The following ADGRG5 variants were observed in gnomAD, a reference collection of about 807,000 sequenced individuals.
The protein encoded by ADGRG5 is adhesion G protein-coupled receptor G5.
In ADGRG5, 37 loss-of-function variants were observed where a neutral mutation model predicts 53.2. The observed-to-expected ratio is 0.70, with a 90% CI of 0.53 to 0.91. The LOEUF (loss-of-function observed/expected upper bound fraction) is 0.91. ADGRG5 is among the 40% of genes least tolerant of loss of function. The pLI, the probability that ADGRG5 is intolerant of heterozygous loss-of-function variation, is 0.00. For synonymous variants in ADGRG5, 277 were observed against 290.4 expected, an observed-to-expected ratio of 0.95 and a Z score of 0.47; for missense variants, 614 against 675.8, an observed-to-expected ratio of 0.91 and a Z score of 1.01.
At chr16:57,540,394 ATCT>A (rs1567610157), upstream of ADGRG5, among the ~76,000 whole-genome samples, 2 of 152,158 alleles carry the variant, frequency 1.3e-5, no homozygotes, top group East Asian at 3.9e-4. Context: ...CCCACCTACA[ATCT>A]TCTTGCAGGC....
At chr16:57,563,733 G>A (rs1473310019) in intron 4 of ADGRG5, 115 bp from the exon 5 acceptor site, 2 of 1,347,424 alleles carry the variant, frequency 1.5e-6, no homozygotes, top group African/African-American at 1.4e-5. Context: ...GGGGGAGAAG[G>A]TTCTGTGGGT....
chr16:57,547,279 CATT>C (rs778833528), intron 1 of ADGRG5, among the ~76,000 whole-genome samples: 1 of 152,128 alleles, frequency 6.6e-6, no homozygotes, highest in African/African-American at 2.4e-5. Flanking sequence ...CTCAAAAAAG[CATT>C]ATTAACATTT....
In ADGRG5 at chr16:57,575,460, C is replaced by T. The variant is rs1184663130; in HGVS notation, c.1509C>T (p.Phe503=). The change falls in exon 12 of 12, where the codon TTC becomes TTT. Residue 503 remains phenylalanine (F), a synonymous_variant. Coordinates refer to ENST00000349457, the MANE Select transcript of ADGRG5 (RefSeq NM_001304376.3). ...CAGGTTTCTTCCTTTTCCTGTGGTT[C>T]TGCTCCCAGCGGTGCCGCTCAGAAG... ...SLYGFFLFLW[F]CSQRCRSEAE... is the part of the protein sequence containing the mutation. 15 of 1,614,028 alleles carry T rather than the reference C, an allele frequency of 9.3e-6. No individual in the cohort carries two copies. Among genetic ancestry groups the T allele is most frequent in the Non-Finnish European group, 1.3e-5 (15 of 1,179,988 alleles).
At chr16:57,530,485 C>T in the ADGRG5 span, among the ~76,000 whole-genome samples, 1 of 152,182 alleles carries the variant, frequency 6.6e-6, no homozygotes, top group African/African-American at 2.4e-5. Context: ...AGTGTACTGT[C>T]GGTGGGACTC....
At chr16:57,533,683 C>T in the ADGRG5 span, among the ~76,000 whole-genome samples, 1 of 151,740 alleles carries the variant, frequency 6.6e-6, no homozygotes, top group African/African-American at 2.4e-5. Context: ...CACACACAGC[C>T]CCAGTAACGT....
intron 1 of ADGRG5, among the ~76,000 whole-genome samples, chr16:57,560,163 T>C (rs575742555): frequency 2.8e-4 from 43 of 152,338 alleles, no homozygotes; most frequent in Non-Finnish European, 3.2e-4. Context: ...AATGCCCTAG[T>C]CCTGCTGTTC....
the ADGRG5 span, among the ~76,000 whole-genome samples, chr16:57,536,064 C>A: frequency 6.6e-6 from 1 of 152,228 alleles, no homozygotes; most frequent in Admixed American, 6.5e-5. Flanking sequence ...CCGCCCACCC[C>A]ACCGCATGGC....
chr16:57,576,323 T>A lies in ADGRG5; in HGVS notation c.*785T>A, dbSNP rs1238705836. On this transcript the variant is annotated 3_prime_UTR_variant, in exon 12 of 12. Transcript: ENST00000349457. ...ATAGACCATCTGGACCAGTAGCCCA[T>A]CCCGCAGTTTTCTTGGGGGCAGAGG... 1 of 152,158 alleles carries A rather than the reference T, an allele frequency of 6.6e-6. No homozygotes were observed. The highest frequency in any genetic ancestry group is 2.4e-5 in the African/African-American group (1 of 41,432). The allele number at this position is 152,158 out of a possible 1,614,324, so 9.4% of individuals were successfully genotyped here.
chr16:57,567,027 A>C (rs1226561259), intron 7 of ADGRG5, among the ~76,000 whole-genome samples: 2 of 152,072 alleles, frequency 1.3e-5, no homozygotes, highest in Non-Finnish European at 2.9e-5. Flanking sequence ...CTCAAATAGG[A>C]TCTCCTTATG....
chr16:57,574,705 G>C lies in ADGRG5; in HGVS notation c.1209-110G>C. On this transcript the variant is annotated intron_variant, in intron 10 of 11. Coordinates refer to ENST00000349457, the MANE Select transcript of ADGRG5 (RefSeq NM_001304376.3). The surrounding 1 kb of genome is among the most constrained non-coding windows in gnomAD (Gnocchi z 4.4). ...TTTCACTGTGTGTTCAGTCAGGCAAGAAACAATAGGGCCTGAGCCAGGAGA... is the reference window on the plus strand; with the variant it reads ...TTTCACTGTGTGTTCAGTCAGGCAACAAACAATAGGGCCTGAGCCAGGAGA... 1 of 1,257,808 alleles carries C rather than the reference G, an allele frequency of 8.0e-7. No homozygotes were observed. The highest frequency in any genetic ancestry group is 2.5e-5 in the Admixed American group (1 of 40,790). The allele number at this position is 1,257,808 out of a possible 1,614,324, so 77.9% of individuals were successfully genotyped here.
chr16:57,532,698 G>GAC, the ADGRG5 span, among the ~76,000 whole-genome samples: 316 of 148,282 alleles, frequency 2.1e-3, no homozygotes, highest in Middle Eastern at 0.021. Context: ...AAGTGAAGCA[G>GAC]ACACACACAC....
intron 1 of ADGRG5, among the ~76,000 whole-genome samples, chr16:57,548,511 A>G (rs1386455325): frequency 2.6e-5 from 4 of 152,166 alleles, no homozygotes; most frequent in African/African-American, 9.7e-5. Context: ...ATGACATGAT[A>G]AAATAAAAGA....
At chr16:57,563,054 G>A (rs774914547) in intron 3 of ADGRG5, 37 bp from the exon 4 acceptor site, 26 of 1,612,666 alleles carry the variant, frequency 1.6e-5, no homozygotes, top group Admixed American at 5.0e-5. Context: ...ACCCCACTCC[G>A]GGCTCTGGCC....
upstream of ADGRG5, among the ~76,000 whole-genome samples, chr16:57,541,542 C>G (rs189066415): frequency 6.6e-6 from 1 of 152,336 alleles, no homozygotes; most frequent in East Asian, 1.9e-4. Context: ...CAGCTCCCTC[C>G]TGCTTCAGCA....
the ADGRG5 span, among the ~76,000 whole-genome samples, chr16:57,533,620 A>T: frequency 9.9e-5 from 15 of 151,140 alleles, no homozygotes; most frequent in South Asian, 8.4e-4. Flanking sequence ...ACCCGCACTC[A>T]CACACAGCCC....
chr16:57,562,073 G>A lies in ADGRG5; in HGVS notation c.-21G>A. 6.5e-7 allele frequency: 1 copy of A among 1,527,166 alleles called. No homozygotes were observed. The highest frequency in any genetic ancestry group is 8.8e-7 in the Non-Finnish European group (1 of 1,134,260). The allele number at this position is 1,527,166 out of a possible 1,614,324, so 94.6% of individuals were successfully genotyped here. On this transcript the variant is annotated 5_prime_UTR_variant, in exon 2 of 12. Transcript: ENST00000349457. ...TTTTTCAGGGCCGGAGCCAGTTCTT[G>A]GAGGAGACTCTGCACAGGGCATGGA...
chr16:57,530,581 C>G, the ADGRG5 span, among the ~76,000 whole-genome samples: 1 of 152,268 alleles, frequency 6.6e-6, no homozygotes, highest in East Asian at 1.9e-4. Context: ...TCATTCTCGG[C>G]AGATGATCTA....
At chr16:57,530,942 C>T in the ADGRG5 span, among the ~76,000 whole-genome samples, 2 of 151,954 alleles carry the variant, frequency 1.3e-5, no homozygotes, top group African/African-American at 4.8e-5. Flanking sequence ...GCACCTGCTT[C>T]CCTGCCTCAC....
rs892556896 is a variant in ADGRG5, at chr16:57,574,772, C to A, written c.1209-43C>A. On this transcript the variant is annotated intron_variant, in intron 10 of 11. Coordinates refer to ENST00000349457, the MANE Select transcript of ADGRG5 (RefSeq NM_001304376.3). The surrounding 1 kb of genome is among the most constrained non-coding windows in gnomAD (Gnocchi z 4.4). ...GGAGTGATGCTGGCCTCCCCGCGGGCCTGGGAGCCACTGTGAGCCTGACAC... is the reference window on the plus strand; with the variant it reads ...GGAGTGATGCTGGCCTCCCCGCGGGACTGGGAGCCACTGTGAGCCTGACAC... 2.6e-6 allele frequency: 4 copies of A among 1,526,892 alleles called. No homozygotes were observed. Among genetic ancestry groups the A allele is most frequent in the Non-Finnish European group, 3.5e-6 (4 of 1,137,578 alleles). 94.6% of individuals were successfully genotyped at this position (1,526,892 alleles called of 1,614,324 possible).
Sources: allele counts gnomAD v4.1 joint callset (sites outside exome capture counted in the v4.1 genomes callset), GRCh38; gene constraint gnomAD v4.1.1; non-coding constraint Gnocchi (gnomAD v3.1); transcripts MANE v1.5; gene names NCBI Gene and HGNC (gene_info 2026-07-23, HGNC 2026-07-21).